SRCIN1: variants seen among roughly 807,000 people sequenced by gnomAD.
SRCIN1 encodes the protein P130Cas-associated protein.
SRCIN1 carries 50 observed loss-of-function variants against 116.2 expected under a neutral mutation model. The observed-to-expected ratio is 0.43, with a 90% CI of 0.34 to 0.54. The LOEUF is 0.54. Ranked by LOEUF, SRCIN1 falls within the 20% of genes least tolerant of loss-of-function variation. The probability of loss-of-function intolerance (pLI) is 0.02; values close to 1 mark genes in which losing one functional copy is unlikely to be tolerated. For synonymous variants in SRCIN1, 736 were observed against 750.0 expected, an observed-to-expected ratio of 0.98 and a Z score of 0.30; for missense variants, 1,446 against 1,672.0, an observed-to-expected ratio of 0.86 and a Z score of 2.36.
chr17:38,588,379 G>A (rs928564947), intron 1 of SRCIN1, among the ~76,000 whole-genome samples: 4 of 152,378 alleles, frequency 2.6e-5, no homozygotes, highest in Admixed American at 6.5e-5. Context: ...ATGTGCCCAC[G>A]CGGCACTATG....
rs202156821 is a variant in SRCIN1, at chr17:38,605,692, G to T, written c.14C>A (p.Pro5Gln). The part of the protein sequence containing the change: MGNA[P>Q]SQDPERSSPP... ...GAGAGACAGGGACATGCCTTGGGAC[G>T]GAGCGTTCCCCATCGGGCGGGGGCG... Residue 5 changes from proline to glutamine, a missense_variant, in exon 1 of 19, where the codon CCG becomes CAG. By Grantham distance (76) the Pro-to-Gln change is moderately conservative. This residue lies in a region of SRCIN1 where 246 missense variants were observed against 265.1 expected (regional missense o/e 0.93). Transcript: ENST00000617146. The T allele has an allele frequency of 1.0e-3, 1,291 of 1,272,392 alleles. 1 individual carries two copies. Among genetic ancestry groups the T allele is most frequent in the Non-Finnish European group, 1.2e-3 (1,239 of 1,003,312 alleles). 78.8% of individuals were successfully genotyped at this position (1,272,392 alleles called of 1,614,324 possible). A position where few individuals can be genotyped will look rare whatever the true frequency, so the allele number is the denominator to read the frequency against.
intron 2 of SRCIN1, among the ~76,000 whole-genome samples, chr17:38,577,413 G>T (rs186916066): frequency 1.3e-5 from 2 of 152,358 alleles, no homozygotes; most frequent in East Asian, 3.9e-4. Flanking sequence ...AGACGGAACT[G>T]GAGGTGGCAC....
chr17:38,548,887 TACC>T (rs1417072746), intron 16 of SRCIN1, among the ~76,000 whole-genome samples, 166 bp downstream of exon 16: 47 of 152,262 alleles, frequency 3.1e-4, no homozygotes, highest in East Asian at 1.9e-3. Context: ...CAAATACACA[TACC>T]TAGAATCCCA....
intron 2 of SRCIN1, among the ~76,000 whole-genome samples, chr17:38,577,054 T>C (rs987041242): frequency 2.6e-5 from 4 of 152,190 alleles, no homozygotes; most frequent in African/African-American, 7.2e-5. Flanking sequence ...CTCAGGCCTA[T>C]GCCCATGCCA....
chr17:38,539,195 A>T (rs1194887666), intron 18 of SRCIN1, among the ~76,000 whole-genome samples: 2 of 152,164 alleles, frequency 1.3e-5, no homozygotes, highest in African/African-American at 2.4e-5. Context: ...ATTTACTTTA[A>T]GGTATAAAGT....
Position 38,559,568 on chromosome 17 carries a change from C to T in SRCIN1, c.2025+17G>A. 2 of 1,594,864 alleles carry T rather than the reference C, an allele frequency of 1.3e-6. No individual in the cohort carries two copies. On this transcript the variant is annotated intron_variant, in intron 10 of 18. Transcript: ENST00000617146. ...TAGGTGGGCGTTGGTGGGGCGGGGCCCAGGACGGGGCGGTACCTGGAGCTT... is the reference window on the plus strand; with the variant it reads ...TAGGTGGGCGTTGGTGGGGCGGGGCTCAGGACGGGGCGGTACCTGGAGCTT...
chr17:38,552,215 G>A lies in SRCIN1; in HGVS notation c.2481-83C>T, dbSNP rs1047382340. ...GGAAGGCTGCTCTGAGGGAGGTGGG[G>A]TGGGAGGCAGGCTCTGGGATGCTGT... On this transcript the variant is annotated intron_variant, in intron 13 of 18. Coordinates refer to ENST00000617146, the MANE Select transcript of SRCIN1 (RefSeq NM_025248.3). This position sits in a 1 kb window ranked among gnomAD's most constrained non-coding sequence, Gnocchi z 5.3. The A allele has an allele frequency of 1.9e-6, 3 of 1,541,182 alleles. No homozygotes were observed. Among genetic ancestry groups the A allele is most frequent in the South Asian group, 1.3e-5 (1 of 79,212 alleles).
chr17:38,588,740 GAAGT>G (rs1389047826), intron 1 of SRCIN1, among the ~76,000 whole-genome samples: 1 of 152,164 alleles, frequency 6.6e-6, no homozygotes, highest in Non-Finnish European at 1.5e-5. Context: ...CAATCTGTTG[GAAGT>G]GAGTGGTGGA....
chr17:38,562,368 C>T lies in SRCIN1; in HGVS notation c.835-40G>A. The T allele has an allele frequency of 1.4e-6, 2 of 1,407,212 alleles. No individual in the cohort carries two copies. Among genetic ancestry groups the T allele is most frequent in the East Asian group, 3.0e-5 (1 of 33,076 alleles). 87.2% of individuals were successfully genotyped at this position (1,407,212 alleles called of 1,614,324 possible). ...GCCCGGAACCCCACGGGGCTGGTCACCAAGGACACCCCTGTCCCTTGCTTG... is the reference window on the plus strand; with the variant it reads ...GCCCGGAACCCCACGGGGCTGGTCATCAAGGACACCCCTGTCCCTTGCTTG... On this transcript the variant is annotated intron_variant, in intron 6 of 18. Transcript: ENST00000617146. The surrounding 1 kb of genome is among the most constrained non-coding windows in gnomAD (Gnocchi z 4.2).
chr17:38,573,122 T>G (rs1907206246), intron 2 of SRCIN1, among the ~76,000 whole-genome samples: 1 of 152,170 alleles, frequency 6.6e-6, no homozygotes. Flanking sequence ...TCTGGTGCCC[T>G]CCCAGGATCC....
intron 1 of SRCIN1, among the ~76,000 whole-genome samples, chr17:38,592,593 G>C (rs1381574764): frequency 1.3e-5 from 2 of 152,204 alleles, no homozygotes; most frequent in African/African-American, 4.8e-5. Context: ...CCAGGCCTCA[G>C]TTTCCCCAAT....
chr17:38,579,729 C>T (rs978336121), intron 1 of SRCIN1, among the ~76,000 whole-genome samples: 3 of 152,134 alleles, frequency 2.0e-5, no homozygotes, highest in Admixed American at 2.0e-4. Context: ...ACTCTGAATC[C>T]CCTTCCCAAA....
chr17:38,548,859 C>T (rs753994258), intron 16 of SRCIN1, 150 bp from the exon 17 acceptor site: 2 of 1,306,500 alleles, frequency 1.5e-6, no homozygotes, highest in Non-Finnish European at 1.0e-6. Flanking sequence ...CAGACAGGGG[C>T]CTGGCATGGA....
chr17:38,589,378 C>T (rs1040132807), intron 1 of SRCIN1, among the ~76,000 whole-genome samples: 1 of 152,184 alleles, frequency 6.6e-6, no homozygotes, highest in African/African-American at 2.4e-5. Context: ...ATCTGGGGCT[C>T]GCTAAAGCGC....
intron 2 of SRCIN1, among the ~76,000 whole-genome samples, chr17:38,571,605 C>G (rs2143269923): frequency 6.6e-6 from 1 of 152,242 alleles, no homozygotes; most frequent in East Asian, 1.9e-4. Context: ...GAGGGGGTCT[C>G]ACCTTCCCAA....
Position 38,563,620 on chromosome 17 carries a change from C to CGGCTGAGGTCTGA in SRCIN1, c.542-100_542-99insTCAGACCTCAGCC, listed in dbSNP as rs993769263. On this transcript the variant is annotated intron_variant, in intron 4 of 18. Coordinates refer to ENST00000617146, the MANE Select transcript of SRCIN1 (RefSeq NM_025248.3). The surrounding 1 kb of genome is among the most constrained non-coding windows in gnomAD (Gnocchi z 5.8). Reference sequence around the variant, plus strand: ...TTTCGGAGCTGCGCCAGCCCCGCAGCGGCAGGGTCTGAGGCTAGACGCCGC... The same window carrying CGGCTGAGGTCTGA: ...TTTCGGAGCTGCGCCAGCCCCGCAGCGGCTGAGGTCTGAGGCAGGGTCTGAGGCTAGACGCCGC... 6 of 1,473,018 alleles carry CGGCTGAGGTCTGA rather than the reference C, an allele frequency of 4.1e-6. No homozygotes were observed. In the African/African-American group the frequency reaches 7.0e-5, roughly 17 times the overall value. 91.2% of individuals were successfully genotyped at this position (1,473,018 alleles called of 1,614,324 possible). A position where few individuals can be genotyped will look rare whatever the true frequency, so the allele number is the denominator to read the frequency against.
At chr17:38,576,623 T>A (rs1907434688) in intron 2 of SRCIN1, among the ~76,000 whole-genome samples, 1 of 152,004 alleles carries the variant, frequency 6.6e-6, no homozygotes, top group African/African-American at 2.4e-5. Context: ...CTTAAGAGCA[T>A]CCCCAAGAAT....
At chr17:38,538,019 G>C (rs1406248840) in intron 18 of SRCIN1, among the ~76,000 whole-genome samples, 1 of 151,646 alleles carries the variant, frequency 6.6e-6, no homozygotes, top group East Asian at 1.9e-4. Flanking sequence ...AGAACTGCTT[G>C]AACCCAGGAG....
At position 38,563,418 on chromosome 17, in the gene SRCIN1, C is replaced by T. The variant is rs748463209; in HGVS notation, c.645G>A (p.Pro215=). 1 of 1,572,414 alleles carries T rather than the reference C, an allele frequency of 6.4e-7. No individual in the cohort carries two copies. The highest frequency in any genetic ancestry group is 1.2e-5 in the South Asian group (1 of 85,402). ...TLHALIAHMF[P]QKLTMGMLKS... Reference sequence around the variant, plus strand: ...TAAGCATGCCCATGGTGAGCTTCTGCGGGAACATGTGCGCGATGAGTGCGT... The same window carrying T: ...TAAGCATGCCCATGGTGAGCTTCTGTGGGAACATGTGCGCGATGAGTGCGT... The change falls in exon 5 of 19, where the codon CCG becomes CCA. Residue 215 remains proline (P), a synonymous_variant. Transcript: ENST00000617146. The surrounding 1 kb of genome is among the most constrained non-coding windows in gnomAD (Gnocchi z 5.8).
Sources: gnomAD v4.1 joint callset for allele counts (sites outside exome capture counted in the v4.1 genomes callset) on GRCh38, gnomAD v4.1.1 for gene constraint, gnomAD v4.1.1 regional missense constraint, Gnocchi (gnomAD v3.1) non-coding constraint, MANE v1.5 for transcripts, NCBI Gene and HGNC (gene_info 2026-07-23, HGNC 2026-07-21) for gene names.